SLIT2: variants seen among roughly 807,000 people sequenced by gnomAD.
SLIT2 encodes slit guidance ligand 2, also known as slit homolog 2 protein.
Under a neutral mutation model 185.7 loss-of-function variants are expected in SLIT2, and 41 were observed. That is an observed-to-expected ratio of 0.22 (90% CI 0.17 to 0.29). The LOEUF (loss-of-function observed/expected upper bound fraction) is 0.29, where lower values mean the gene tolerates loss of function less well. SLIT2 is among the 10% of genes least tolerant of loss of function. SLIT2 has a pLI of 1.00. For missense variants in SLIT2, 1,571 were observed against 1,909.0 expected, an observed-to-expected ratio of 0.82 and a Z score of 3.30; for synonymous variants, 693 against 680.2, an observed-to-expected ratio of 1.02 and a Z score of -0.29.
chr4:20,292,345 G>A (rs528157803), intron 4 of SLIT2, among the ~76,000 whole-genome samples: 18 of 152,164 alleles, frequency 1.2e-4, no homozygotes, highest in Non-Finnish European at 2.4e-4. Context: ...ATCATTCTGA[G>A]CTTCAGTATT....
chr4:20,553,288 C>T (rs769351614), intron 25 of SLIT2, among the ~76,000 whole-genome samples: 9 of 152,162 alleles, frequency 5.9e-5, no homozygotes, highest in Non-Finnish European at 2.9e-5. Context: ...GTTTGTTCAC[C>T]ATCATCTTGT....
At chr4:20,475,372 CT>C (rs1315364300) in intron 5 of SLIT2, among the ~76,000 whole-genome samples, 28 of 141,350 alleles carry the variant, frequency 2.0e-4, no homozygotes, top group African/African-American at 6.3e-4. Flanking sequence ...TAATCTCTGT[CT>C]TTTCTGACAT....
At chr4:20,394,205 C>T (rs1301950577) in intron 4 of SLIT2, among the ~76,000 whole-genome samples, 9 of 151,102 alleles carry the variant, frequency 6.0e-5, no homozygotes, top group Non-Finnish European at 7.4e-5. Flanking sequence ...GAAAAAAAAA[C>T]ATGAAAAAGG....
At chr4:20,284,031 G>C (rs1715037891) in intron 4 of SLIT2, among the ~76,000 whole-genome samples, 1 of 152,174 alleles carries the variant, frequency 6.6e-6, no homozygotes, top group Non-Finnish European at 1.5e-5. Context: ...AGTAACAGTA[G>C]ATGTACAAGA....
chr4:20,521,787 G>A (rs1257847427), intron 12 of SLIT2, among the ~76,000 whole-genome samples: 1 of 152,084 alleles, frequency 6.6e-6, no homozygotes, highest in Non-Finnish European at 1.5e-5. Flanking sequence ...TTTGCATGTT[G>A]CTGATGTAGC....
chr4:20,416,689 A>AAAT (rs1727715820), intron 4 of SLIT2, among the ~76,000 whole-genome samples: 1 of 152,250 alleles, frequency 6.6e-6, no homozygotes, highest in Non-Finnish European at 1.5e-5. Context: ...AAAAGACTAT[A>AAAT]AATCCCATTA....
intron 9 of SLIT2, among the ~76,000 whole-genome samples, chr4:20,494,175 G>A (rs1718026156): frequency 6.6e-6 from 1 of 152,210 alleles, no homozygotes; most frequent in African/African-American, 2.4e-5. Context: ...CCTCTTCGGA[G>A]GCTATTTCTT....
At chr4:20,390,759 ATT>A (rs67798474) in intron 4 of SLIT2, among the ~76,000 whole-genome samples, 41,669 of 148,474 alleles carry the variant, frequency 0.28, 6,468 homozygotes, top group East Asian at 0.47. Flanking sequence ...AAAAGATCTT[ATT>A]TTTTTTTTTT....
At chr4:20,539,678 G>T in intron 19 of SLIT2, 94 bp downstream of exon 19, 1 of 850,632 alleles carries the variant, frequency 1.2e-6, no homozygotes, top group Non-Finnish European at 1.7e-6. Context: ...ATTAAAATGT[G>T]ATCAAGGGTT....
intron 4 of SLIT2, among the ~76,000 whole-genome samples, chr4:20,449,960 GTT>G (rs34382183): frequency 2.0e-5 from 3 of 151,132 alleles, no homozygotes; most frequent in South Asian, 2.1e-4. Flanking sequence ...ACAGCTCAGT[GTT>G]TTTTTTTTCC....
rs540952986 is a variant in SLIT2 at position 20,467,895 on chromosome 4, A to C, written c.467+72A>C. ...TTTCAAAGTCAAGTTTATATTAAAT[A>C]AAGTGTCAGAAAGAAATGGTGAAAA... On this transcript the variant is annotated intron_variant, in intron 5 of 36. Coordinates refer to ENST00000504154, the MANE Select transcript of SLIT2 (RefSeq NM_004787.4). 4.2e-5 allele frequency: 30 copies of C among 718,844 alleles called. No individual in the cohort carries two copies. In the African/African-American group the frequency reaches 5.3e-4, roughly 13 times the overall value. The allele number at this position is 718,844 out of a possible 1,614,324, so 44.5% of individuals were successfully genotyped here. A position where few individuals can be genotyped will look rare whatever the true frequency, so the allele number is the denominator to read the frequency against.
At chr4:20,279,907 C>T (rs1408773309) in intron 4 of SLIT2, among the ~76,000 whole-genome samples, 3 of 152,094 alleles carry the variant, frequency 2.0e-5, no homozygotes, top group Non-Finnish European at 2.9e-5. Context: ...TAGCATCCAG[C>T]CTAGTACAGG....
chr4:20,447,657 G>A (rs891559074), intron 4 of SLIT2, among the ~76,000 whole-genome samples: 7 of 152,336 alleles, frequency 4.6e-5, no homozygotes, highest in Middle Eastern at 6.8e-3. Flanking sequence ...GTCTGCAGGA[G>A]AGGGGATGGA....
At chr4:20,341,185 G>C (rs1177755134) in intron 4 of SLIT2, among the ~76,000 whole-genome samples, 1 of 152,138 alleles carries the variant, frequency 6.6e-6, no homozygotes, top group African/African-American at 2.4e-5. Context: ...AAGAGCAAGG[G>C]GTCACTGGCC....
intron 4 of SLIT2, among the ~76,000 whole-genome samples, chr4:20,459,098 GAGAACT>G (rs2148726304): frequency 6.6e-6 from 1 of 151,770 alleles, no homozygotes; most frequent in South Asian, 2.1e-4. Flanking sequence ...AACTGTTGCT[GAGAACT>G]AGAAGTTCCT....
At chr4:20,449,086 C>T (rs1712169993) in intron 4 of SLIT2, among the ~76,000 whole-genome samples, 2 of 151,934 alleles carry the variant, frequency 1.3e-5, no homozygotes, top group Non-Finnish European at 2.9e-5. Context: ...ACTATTATTT[C>T]AATATTATTA....
At chr4:20,256,831 T>C in intron 2 of SLIT2, 88 bp downstream of exon 2, 1 of 623,528 alleles carries the variant, frequency 1.6e-6, no homozygotes, top group South Asian at 2.3e-5. Context: ...ACTATTCTGA[T>C]GACAGTAACA....
At chr4:20,449,109 TA>T (rs1157862095) in intron 4 of SLIT2, among the ~76,000 whole-genome samples, 1 of 152,128 alleles carries the variant, frequency 6.6e-6, no homozygotes, top group African/African-American at 2.4e-5. Flanking sequence ...TAAATAATTA[TA>T]CTACTACCAA....
chr4:20,253,712 G>A lies in SLIT2; in HGVS notation c.-104G>A. On this transcript the variant is annotated 5_prime_UTR_variant, in exon 1 of 37. Coordinates refer to ENST00000504154, the MANE Select transcript of SLIT2 (RefSeq NM_004787.4). ...CACATTTTCCCTGGCACTCTGGGTT[G>A]CTAGCCCCGCCGGGCACTGGGCCTC... 1 of 1,391,952 alleles carries A rather than the reference G, an allele frequency of 7.2e-7. No individual in the cohort carries two copies. The highest frequency in any genetic ancestry group is 9.8e-7 in the Non-Finnish European group (1 of 1,016,908). The allele number at this position is 1,391,952 out of a possible 1,614,324, so 86.2% of individuals were successfully genotyped here. A position where few individuals can be genotyped will look rare whatever the true frequency, so the allele number is the denominator to read the frequency against.
Sources: allele counts gnomAD v4.1 joint callset (sites outside exome capture counted in the v4.1 genomes callset), GRCh38; gene constraint gnomAD v4.1.1; transcripts MANE v1.5; gene names NCBI Gene and HGNC (gene_info 2026-07-23, HGNC 2026-07-21).